The following ARHGAP6 variants were observed in gnomAD, a reference collection of about 807,000 sequenced individuals.
The protein encoded by ARHGAP6 is rho GTPase-activating protein 6.
A neutral mutation model predicts 55.7 loss-of-function variants in ARHGAP6; 16 were observed. The observed-to-expected ratio is 0.29, with a 90% confidence interval of 0.19 to 0.44. ARHGAP6 has a LOEUF of 0.44. Among genes scored for constraint, ARHGAP6 ranks in the 20% least tolerant of loss-of-function variants. The probability of loss-of-function intolerance (pLI) is 1.00; values close to 1 mark genes in which losing one functional copy is unlikely to be tolerated. For missense variants in ARHGAP6, 698 were observed against 808.9 expected, an observed-to-expected ratio of 0.86 and a Z score of 1.66; for synonymous variants, 382 against 360.9, an observed-to-expected ratio of 1.06 and a Z score of -0.66.
At position 11,139,319 on chromosome X, in the gene ARHGAP6, G is replaced by A. The variant is rs1362150548; in HGVS notation, c.2469C>T (p.His823=). The A allele has an allele frequency of 3.4e-6, 4 of 1,182,173 alleles. No homozygotes were observed. Among genetic ancestry groups the A allele is most frequent in the African/African-American group, 1.8e-5 (1 of 56,839 alleles). Residue 823 remains histidine (H), a synonymous_variant, in exon 13 of 13, where the codon CAC becomes CAT. Coordinates refer to ENST00000337414, the MANE Select transcript of ARHGAP6 (RefSeq NM_013427.3). ...PAVSRACSTP[H]VQVAGKAERP... Reference sequence around the variant, plus strand: ...GCTCGGCTTTCCCTGCCACCTGGACGTGGGGCGTGCTGCAGGCGCGCGACA... The same window carrying A: ...GCTCGGCTTTCCCTGCCACCTGGACATGGGGCGTGCTGCAGGCGCGCGACA...
rs1602785024 is a variant in ARHGAP6 at position 11,176,332 on chromosome X, T to C, written c.1629+1768A>G. On this transcript the variant is annotated intron_variant, in intron 8 of 12. Coordinates refer to ENST00000337414, the MANE Select transcript of ARHGAP6 (RefSeq NM_013427.3). ...ATATATATATATATATATATATATATATATATATATATATATATCTCCCCT... is the reference window on the plus strand; with the variant it reads ...ATATATATATATATATATATATATACATATATATATATATATATCTCCCCT... Among the ~76,000 whole-genome samples the C allele has an allele frequency of 3.5e-5, 2 of 57,336 alleles. 1 individual carries two copies. The highest frequency in any genetic ancestry group is 1.5e-3 in the East Asian group (2 of 1,308). 49.8% of individuals were successfully genotyped at this position (57,336 alleles called of 115,157 possible).
rs753374671 is a variant in ARHGAP6 at position 11,233,485 on chromosome X, G to A, written c.748+21063C>T. Among the ~76,000 whole-genome samples the A allele has an allele frequency of 1.2e-4, 13 of 111,077 alleles. No individual in the cohort carries two copies. The South Asian group carries it at 3.4e-3, about 29-fold the overall frequency. ...AGAAAGATGTCTTATAGAGATTTTC[G>A]TGATGTACTAGTTACCCATAAACAA... On this transcript the variant is annotated intron_variant, in intron 2 of 12. Coordinates refer to ENST00000337414, the MANE Select transcript of ARHGAP6 (RefSeq NM_013427.3).
intron 1 of ARHGAP6, among the ~76,000 whole-genome samples, chrX:11,370,349 G>C (rs1039640864): frequency 6.2e-5 from 7 of 112,053 alleles, no homozygotes; most frequent in African/African-American, 1.9e-4. Context: ...ACAGCATTTT[G>C]TAAATAACAA....
rs774551220 is a variant in ARHGAP6, at chrX:11,484,308, G to GGA, written c.588+179931_588+179932dup. The stretch of plus-strand genomic sequence containing the variant: ...CAGGGGAGGGGAAAGGGGAAAGAAA[G>GGA]GAGAGAGAGAGGAGAATTTTAGAGA... On this transcript the variant is annotated intron_variant, in intron 1 of 12. Coordinates refer to ENST00000337414, the MANE Select transcript of ARHGAP6 (RefSeq NM_013427.3). Among the ~76,000 whole-genome samples the GGA allele has an allele frequency of 1.9e-4, 21 of 109,141 alleles. 1 individual carries two copies. Among genetic ancestry groups the GGA allele is most frequent in the African/African-American group, 7.0e-4 (21 of 29,949 alleles). 94.8% of individuals were successfully genotyped at this position (109,141 alleles called of 115,157 possible). A position where few individuals can be genotyped will look rare whatever the true frequency, so the allele number is the denominator to read the frequency against.
intron 3 of ARHGAP6, 151 bp downstream of exon 3, chrX:11,196,774 A>G (rs1027392439): frequency 2.2e-6 from 1 of 462,185 alleles, no homozygotes; most frequent in African/African-American, 2.4e-5. Context: ...AGAAGAGTAG[A>G]CCAAAACAGC....
intron 1 of ARHGAP6, among the ~76,000 whole-genome samples, chrX:11,412,830 A>G: frequency 8.9e-6 from 1 of 112,728 alleles, no homozygotes; most frequent in Non-Finnish European, 1.9e-5. Context: ...ACCCTTGGTC[A>G]ATGTGACAAA....
At chrX:11,579,287 G>T (rs777602842) in intron 1 of ARHGAP6, among the ~76,000 whole-genome samples, 5 of 111,491 alleles carry the variant, frequency 4.5e-5, no homozygotes, top group Admixed American at 9.5e-5. Context: ...CAATTTTAAC[G>T]ACAGATTATG....
chrX:11,283,866 C>T (rs374733434), intron 1 of ARHGAP6, among the ~76,000 whole-genome samples: 2 of 111,992 alleles, frequency 1.8e-5, no homozygotes, highest in East Asian at 2.8e-4. Context: ...CCATTTCAGA[C>T]TTCTGACCTC....
chrX:11,419,491 C>T (rs1188577224), intron 1 of ARHGAP6, among the ~76,000 whole-genome samples: 2 of 112,125 alleles, frequency 1.8e-5, no homozygotes, highest in Admixed American at 1.9e-4. Flanking sequence ...TGCATAGATA[C>T]CCACAGAAAT....
intron 1 of ARHGAP6, among the ~76,000 whole-genome samples, chrX:11,646,393 A>G (rs2052527619): frequency 8.9e-6 from 1 of 111,869 alleles, no homozygotes; most frequent in African/African-American, 3.2e-5. Context: ...CTAAATAGGA[A>G]CATTGCCTAG....
At chrX:11,504,221 T>A (rs1264705763) in intron 1 of ARHGAP6, among the ~76,000 whole-genome samples, 4 of 112,383 alleles carry the variant, frequency 3.6e-5, no homozygotes, top group Non-Finnish European at 7.5e-5. Flanking sequence ...TTGTAATTAC[T>A]TTTTGTTATT....
chrX:11,376,936 TCA>T (rs1193214551), intron 1 of ARHGAP6, among the ~76,000 whole-genome samples: 4 of 111,644 alleles, frequency 3.6e-5, no homozygotes, highest in Non-Finnish European at 7.5e-5. Context: ...CTCCAAGACC[TCA>T]GTTTGCTTCC....
intron 1 of ARHGAP6, among the ~76,000 whole-genome samples, chrX:11,388,165 C>T (rs1263246056): frequency 2.7e-5 from 3 of 112,095 alleles, no homozygotes; most frequent in Admixed American, 9.4e-5. Flanking sequence ...TTTACAGTCC[C>T]ACCAACAGTG....
chrX:11,520,177 A>ATT (rs1426484589), intron 1 of ARHGAP6, among the ~76,000 whole-genome samples: 2 of 71,007 alleles, frequency 2.8e-5, no homozygotes, highest in East Asian at 9.4e-4. Context: ...ATATATATAT[A>ATT]TTACTTTAAG....
chrX:11,561,022 T>C (rs1401781078), intron 1 of ARHGAP6, among the ~76,000 whole-genome samples: 1 of 111,940 alleles, frequency 8.9e-6, no homozygotes, highest in Non-Finnish European at 1.9e-5. Context: ...CAAAGTTTAA[T>C]TGGAACATAG....
At chrX:11,663,884 A>T (rs1211656975) in intron 1 of ARHGAP6, among the ~76,000 whole-genome samples, 2 of 112,802 alleles carry the variant, frequency 1.8e-5, no homozygotes, top group African/African-American at 6.4e-5. Flanking sequence ...CAATCGTTAC[A>T]AACAGCTTAG....
intron 9 of ARHGAP6, among the ~76,000 whole-genome samples, chrX:11,159,979 T>C (rs5978425): frequency 0.18 from 20,005 of 110,012 alleles, 1,386 homozygotes; most frequent in Middle Eastern, 0.28. Flanking sequence ...AGGGTGAAAA[T>C]GAGAGGAAAG....
intron 1 of ARHGAP6, among the ~76,000 whole-genome samples, chrX:11,662,333 A>T (rs1002671677): frequency 1.8e-5 from 2 of 112,004 alleles, no homozygotes; most frequent in Admixed American, 1.9e-4. Flanking sequence ...TTATTAAACA[A>T]AACCAGGGTT....
chrX:11,567,139 T>C (rs1392735572), intron 1 of ARHGAP6, among the ~76,000 whole-genome samples: 1 of 111,848 alleles, frequency 8.9e-6, no homozygotes, highest in Non-Finnish European at 1.9e-5. Flanking sequence ...TGTGAATTAG[T>C]TCAAGATTTC....
Sources: allele counts gnomAD v4.1 joint callset (sites outside exome capture counted in the v4.1 genomes callset), GRCh38; gene constraint gnomAD v4.1.1; transcripts MANE v1.5; gene names NCBI Gene and HGNC (gene_info 2026-07-23, HGNC 2026-07-21).